KMT2C: variants seen among roughly 807,000 people sequenced by gnomAD.
KMT2C encodes the protein histone-lysine N-methyltransferase 2C.
Under a neutral mutation model 507.9 loss-of-function variants are expected in KMT2C, and 88 were observed. That is an observed-to-expected ratio of 0.17 (90% CI 0.15 to 0.21). KMT2C has a LOEUF of 0.21. Ranked by LOEUF, KMT2C falls within the 10% of genes least tolerant of loss-of-function variation. KMT2C has a pLI of 1.00. For missense variants in KMT2C, 4,954 were observed against 5,957.8 expected, an observed-to-expected ratio of 0.83 and a Z score of 5.55; for synonymous variants, 2,049 against 2,080.8, an observed-to-expected ratio of 0.98 and a Z score of 0.42.
chr7:152,151,085 T>G, intron 50 of KMT2C, 78 bp from the exon 51 acceptor site: 1 of 853,084 alleles, frequency 1.2e-6, no homozygotes, highest in Non-Finnish European at 1.9e-6. Flanking sequence ...ATTATTTTTA[T>G]GTTATATTCA....
rs762946746 is a variant in KMT2C at position 152,176,470 on chromosome 7, G to A, written c.8983C>T (p.Pro2995Ser). The change falls in exon 38 of 59, where the codon CCA (proline) becomes TCA (serine). Residue 2995 changes from proline to serine, a missense_variant. Physicochemically the swap from Pro to Ser is moderately conservative, Grantham distance 74. Coordinates refer to ENST00000262189, the MANE Select transcript of KMT2C (RefSeq NM_170606.3). Reference protein sequence around the residue: ...QGVQVNPGLIPGQSTVNHSLG... With the variant: ...QGVQVNPGLISGQSTVNHSLG... The stretch of plus-strand genomic sequence containing the variant: ...CTGTGGTTAACTGTTGATTGACCTG[G>A]AATGAGCCCTGGGTTTACCTGCACA... 1 of 1,614,168 alleles carries A rather than the reference G, an allele frequency of 6.2e-7. No homozygotes were observed. The highest frequency in any genetic ancestry group is 8.5e-7 in the Non-Finnish European group (1 of 1,180,030).
chr7:152,158,261 G>C (rs118061609), intron 44 of KMT2C, among the ~76,000 whole-genome samples: 2 of 152,216 alleles, frequency 1.3e-5, no homozygotes, highest in African/African-American at 4.8e-5. Flanking sequence ...CAAAGGTGTA[G>C]AACAGAATTC....
chr7:152,147,332 C>T (rs1344541571), intron 52 of KMT2C, among the ~76,000 whole-genome samples: 1 of 152,000 alleles, frequency 6.6e-6, no homozygotes, highest in East Asian at 1.9e-4. Context: ...TGTCTTATGA[C>T]AATGTATACA....
chr7:152,285,526 T>C (rs377708998), intron 6 of KMT2C, among the ~76,000 whole-genome samples: 72 of 152,392 alleles, frequency 4.7e-4, no homozygotes, highest in African/African-American at 1.7e-3. Flanking sequence ...GGTAACAGCA[T>C]AGGGACTAAT....
In KMT2C at chr7:152,162,779, C is replaced by T. The variant is rs2129104013; in HGVS notation, c.10798G>A (p.Glu3600Lys). 3.1e-6 allele frequency: 5 copies of T among 1,614,006 alleles called. No individual in the cohort carries two copies. The highest frequency in any genetic ancestry group is 4.2e-6 in the Non-Finnish European group (5 of 1,179,998). ...IQLYSDIIPE[E>K]KGKKKRTRKK... ...CTTGTTCTTTTCTTTTTCCCTTTTT[C>T]CTCTGGGATTATATCAGAATACAAC... is the stretch of plus-strand genomic sequence containing the variant. The change falls in exon 43 of 59, where the codon GAA becomes AAA. Residue 3600 changes from glutamate (E) to lysine (K), a missense_variant. Around this residue, in one of 29 missense-constraint regions of KMT2C, gnomAD observed 801 missense variants for 751.2 expected, o/e 1.07. Coordinates refer to ENST00000262189, the MANE Select transcript of KMT2C (RefSeq NM_170606.3).
intron 6 of KMT2C, among the ~76,000 whole-genome samples, chr7:152,278,555 A>G (rs1314145935): frequency 4.6e-5 from 7 of 152,398 alleles, no homozygotes; most frequent in African/African-American, 1.7e-4. Flanking sequence ...GTTATCAATT[A>G]CCCAGCAACA....
chr7:152,148,549 T>C lies in KMT2C; in HGVS notation c.13378A>G (p.Met4460Val). 6.2e-7 allele frequency: 1 copy of C among 1,614,250 alleles called. No homozygotes were observed. ...GTCTTGTGACAGAAGACACATTTCATTTGTAGGCCTCTCCTCAGAGCTAGC... is the reference window on the plus strand; with the variant it reads ...GTCTTGTGACAGAAGACACATTTCACTTGTAGGCCTCTCCTCAGAGCTAGC... ...VELALRRGLQ[M>V]KCVFCHKTGA... The change falls in exon 52 of 59, where the codon ATG (methionine) becomes GTG (valine). Residue 4460 changes from methionine (M) to valine (V), a missense_variant. Physicochemically the swap from Met to Val is conservative, Grantham distance 21. Transcript: ENST00000262189. The surrounding 1 kb of genome is among the most constrained non-coding windows in gnomAD (Gnocchi z 7.1).
At chr7:152,187,894 A>G in intron 31 of KMT2C, 47 bp from the exon 32 acceptor site, 4 of 1,595,188 alleles carry the variant, frequency 2.5e-6, no homozygotes, top group Non-Finnish European at 3.4e-6. Context: ...CACAAGTAAC[A>G]AGGAGTTGAA....
chr7:152,156,186 T>C lies in KMT2C; in HGVS notation c.11812+19A>G, dbSNP rs372849819. 1.7e-5 allele frequency: 28 copies of C among 1,612,804 alleles called. No individual in the cohort carries two copies. The highest frequency in any genetic ancestry group is 2.1e-5 in the Non-Finnish European group (25 of 1,179,090). ...GGCACATTTCTCCGAGGTGTGAAAT[T>C]TGGAGGCTATAATCATACCTTCATG... On this transcript the variant is annotated intron_variant, in intron 45 of 58. Transcript: ENST00000262189.
At chr7:152,323,774 AAG>A (rs2096795135) in intron 3 of KMT2C, among the ~76,000 whole-genome samples, 1 of 131,564 alleles carries the variant, frequency 7.6e-6, no homozygotes. Flanking sequence ...GAGGTAGAAA[AAG>A]AGGGGGAGGG....
At chr7:152,423,710 G>A (rs545205473) in intron 1 of KMT2C, among the ~76,000 whole-genome samples, 26 of 152,226 alleles carry the variant, frequency 1.7e-4, no homozygotes, top group South Asian at 1.7e-3. Context: ...TTATTATTAC[G>A]GGGTTTTCAA....
chr7:152,290,250 GTGTATGTGTATATATATA>G (rs2096391341), intron 6 of KMT2C, among the ~76,000 whole-genome samples: 1 of 73,538 alleles, frequency 1.4e-5, no homozygotes, highest in Admixed American at 1.8e-4. Flanking sequence ...GTGTGTGTGT[GTGTATGTGTATATATATA>G]TATATATATA....
At chr7:152,270,152 T>C (rs1199011543) in intron 7 of KMT2C, among the ~76,000 whole-genome samples, 1 of 152,114 alleles carries the variant, frequency 6.6e-6, no homozygotes, top group Non-Finnish European at 1.5e-5. Flanking sequence ...GATTTGTCTA[T>C]AAAAGAGAAT....
At chr7:152,322,785 T>C (rs2096784112) in intron 3 of KMT2C, among the ~76,000 whole-genome samples, 1 of 151,764 alleles carries the variant, frequency 6.6e-6, no homozygotes, top group African/African-American at 2.4e-5. Context: ...GAGAAAATAT[T>C]TAATATCCAA....
intron 1 of KMT2C, among the ~76,000 whole-genome samples, chr7:152,430,107 G>T (rs1419986307): frequency 1.3e-5 from 2 of 151,358 alleles, no homozygotes; most frequent in African/African-American, 2.4e-5. Flanking sequence ...GAATCCGGAG[G>T]GCGGCAGCCA....
chr7:152,363,205 A>C (rs1221655981), intron 1 of KMT2C, among the ~76,000 whole-genome samples: 1 of 152,220 alleles, frequency 6.6e-6, no homozygotes, highest in Non-Finnish European at 1.5e-5. Context: ...GTCTAATTAC[A>C]AATGACAACA....
intron 1 of KMT2C, among the ~76,000 whole-genome samples, chr7:152,370,245 A>G (rs548685814): frequency 2.0e-5 from 3 of 152,298 alleles, no homozygotes; most frequent in Non-Finnish European, 2.9e-5. Flanking sequence ...CTCCACACAC[A>G]TAAGTTTGAT....
chr7:152,147,460 G>A (rs2091218075), intron 52 of KMT2C, among the ~76,000 whole-genome samples: 1 of 151,918 alleles, frequency 6.6e-6, no homozygotes, highest in South Asian at 2.1e-4. Flanking sequence ...GAGGCAGGTG[G>A]ATCACCTGAG....
chr7:152,273,891 T>A lies in KMT2C; in HGVS notation c.850-24A>T, dbSNP rs531793096. 2.1e-5 allele frequency: 34 copies of A among 1,604,704 alleles called. No homozygotes were observed. The South Asian group carries it at 3.7e-4, about 17-fold the overall frequency. The stretch of plus-strand genomic sequence containing the variant: ...CGCTGAAAGGGGTAAAGGAGAGAAA[T>A]CTCTTTATAAAACCTTGAAAAGGAA... On this transcript the variant is annotated intron_variant, in intron 6 of 58. Transcript: ENST00000262189.
Sources: gnomAD v4.1 joint callset for allele counts (sites outside exome capture counted in the v4.1 genomes callset) on GRCh38, gnomAD v4.1.1 for gene constraint, gnomAD v4.1.1 regional missense constraint, Gnocchi (gnomAD v3.1) non-coding constraint, MANE v1.5 for transcripts, NCBI Gene and HGNC (gene_info 2026-07-23, HGNC 2026-07-21) for gene names.